The following PAK2 variants were observed in gnomAD, a reference collection of about 807,000 sequenced individuals.
The protein encoded by PAK2 is p21 (RAC1) activated kinase 2, also known as serine/threonine-protein kinase PAK 2.
In PAK2, 21 loss-of-function variants were observed where a neutral mutation model predicts 65.9. The ratio of observed to expected loss-of-function variants is 0.32; its 90% CI spans 0.23 to 0.46. The LOEUF (loss-of-function observed/expected upper bound fraction) is 0.46, where lower values mean the gene tolerates loss of function less well. Among genes scored for constraint, PAK2 ranks in the 20% least tolerant of loss-of-function variants. The pLI, the probability that PAK2 is intolerant of heterozygous loss-of-function variation, is 1.00. For missense variants in PAK2, 324 were observed against 642.6 expected (o/e 0.50, Z 5.36); for synonymous variants, 204 against 219.7 (o/e 0.93, Z 0.63).
intron 1 of PAK2, among the ~76,000 whole-genome samples, chr3:196,749,586 G>A (rs1023931098): frequency 6.6e-6 from 1 of 152,146 alleles, no homozygotes; most frequent in Non-Finnish European, 1.5e-5. Context: ...TTTTCGGGTG[G>A]ACATAAGTTT....
chr3:196,814,693 AAATTACTCC>A (rs1449722362), intron 11 of PAK2, 125 bp downstream of exon 11: 2 of 641,072 alleles, frequency 3.1e-6, no homozygotes, highest in East Asian at 6.2e-5. Context: ...CATTCTCTGC[AAATTACTCC>A]ATCTCCGTGC....
rs1714480524 is a variant in PAK2, at chr3:196,774,710, G to GT, written c.-21-7914dup. Among the ~76,000 whole-genome samples the GT allele has an allele frequency of 5.9e-5, 9 of 152,236 alleles. No individual in the cohort carries two copies. The South Asian group carries it at 1.9e-3, about 32-fold the overall frequency. ...CCAGAGTTTAGTCCTCAGTCTGTAGGTTATGGGCAGCTAGTCAGGACGATG... is the reference window on the plus strand; with the variant it reads ...CCAGAGTTTAGTCCTCAGTCTGTAGGTTTATGGGCAGCTAGTCAGGACGATG... On this transcript the variant is annotated intron_variant, in intron 1 of 14. Transcript: ENST00000327134.
chr3:196,793,076 G>A (rs1715126143), intron 2 of PAK2, among the ~76,000 whole-genome samples: 1 of 152,124 alleles, frequency 6.6e-6, no homozygotes, highest in East Asian at 1.9e-4. Context: ...CACATGCTGA[G>A]GAGAAGGGGG....
At chr3:196,785,568 G>T (rs549993657) in intron 2 of PAK2, among the ~76,000 whole-genome samples, 1 of 152,258 alleles carries the variant, frequency 6.6e-6, no homozygotes, top group South Asian at 2.1e-4. Flanking sequence ...ATCTTTTCGG[G>T]TTAATTGACC....
intron 1 of PAK2, among the ~76,000 whole-genome samples, chr3:196,764,838 TTTC>T (rs1297283984): frequency 7.3e-6 from 1 of 136,706 alleles, no homozygotes; most frequent in African/African-American, 2.7e-5. Context: ...TTTTCTTTTC[TTTC>T]TTTTTTTTTT....
chr3:196,793,976 C>T (rs1715162290), intron 2 of PAK2, among the ~76,000 whole-genome samples: 1 of 151,824 alleles, frequency 6.6e-6, no homozygotes, highest in African/African-American at 2.4e-5. Flanking sequence ...ACTAAAAATA[C>T]AAAAATTAGC....
At chr3:196,740,776 A>G (rs907043284) in intron 1 of PAK2, among the ~76,000 whole-genome samples, 1 of 152,204 alleles carries the variant, frequency 6.6e-6, no homozygotes, top group Non-Finnish European at 1.5e-5. Context: ...GCTTCAGCCT[A>G]GGGGTGAAAT....
chr3:196,778,741 C>G (rs753287618), intron 1 of PAK2, among the ~76,000 whole-genome samples: 1 of 152,200 alleles, frequency 6.6e-6, no homozygotes, highest in African/African-American at 2.4e-5. Flanking sequence ...GGTTGTGTCT[C>G]CTCTGATCTG....
chr3:196,820,108 T>C lies in PAK2; in HGVS notation c.1154-263T>C, dbSNP rs973032336. Among the ~76,000 whole-genome samples, 1 of 152,218 alleles carries C rather than the reference T, an allele frequency of 6.6e-6. No homozygotes were observed. Among genetic ancestry groups the C allele is most frequent in the African/African-American group, 2.4e-5 (1 of 41,470 alleles). The stretch of plus-strand genomic sequence containing the variant: ...CTTTTTCGTAGACCTCTTTCAGTTT[T>C]ATTAAATTTTTTAGGATAGAATGAA... On this transcript the variant is annotated intron_variant, in intron 12 of 14. Transcript: ENST00000327134. The surrounding 1 kb of genome is among the most constrained non-coding windows in gnomAD (Gnocchi z 4.6).
chr3:196,808,898 G>A (rs930379945), intron 7 of PAK2, among the ~76,000 whole-genome samples: 1 of 151,574 alleles, frequency 6.6e-6, no homozygotes, highest in African/African-American at 2.4e-5. Context: ...ATTAAAGAAT[G>A]CTAATCTAGA....
chr3:196,814,398 A>T (rs945181265), intron 10 of PAK2, 53 bp from the exon 11 acceptor site: 24 of 710,320 alleles, frequency 3.4e-5, no homozygotes, highest in Non-Finnish European at 1.0e-5. Context: ...ATAGAATACC[A>T]TGTGTTTAGG....
chr3:196,766,850 A>G (rs1050386749), intron 1 of PAK2, among the ~76,000 whole-genome samples: 27 of 148,166 alleles, frequency 1.8e-4, no homozygotes, highest in Admixed American at 1.1e-3. Flanking sequence ...AATATATGCA[A>G]TTTTGTCAAT....
chr3:196,808,029 T>A, intron 7 of PAK2, 115 bp downstream of exon 7: 2 of 984,536 alleles, frequency 2.0e-6, no homozygotes, highest in East Asian at 5.3e-5. Context: ...AAGAATAAAT[T>A]GTTTCCTTAT....
At chr3:196,763,425 G>A (rs1424833342) in intron 1 of PAK2, among the ~76,000 whole-genome samples, 3 of 152,158 alleles carry the variant, frequency 2.0e-5, no homozygotes, top group South Asian at 2.1e-4. Flanking sequence ...TCTCTCCAGC[G>A]CCCTATATCG....
chr3:196,760,771 C>T (rs934243330), intron 1 of PAK2, among the ~76,000 whole-genome samples: 5 of 152,140 alleles, frequency 3.3e-5, no homozygotes, highest in East Asian at 1.9e-4. Flanking sequence ...TTGTTTATAA[C>T]GGCCTTAAAC....
At chr3:196,742,275 A>G (rs1210624883) in intron 1 of PAK2, among the ~76,000 whole-genome samples, 4 of 151,756 alleles carry the variant, frequency 2.6e-5, no homozygotes, top group African/African-American at 7.3e-5. Flanking sequence ...TTTAGTAGAG[A>G]TGGGGTTTCA....
chr3:196,747,420 A>G (rs189579268), intron 1 of PAK2: 6 of 152,262 alleles, frequency 3.9e-5, no homozygotes, highest in East Asian at 1.9e-4. Context: ...TACATGGACA[A>G]TGTTCTTCTG....
Position 196,791,983 on chromosome 3 carries a change from T to C in PAK2, c.187+9150T>C, listed in dbSNP as rs957195766. 6.6e-6 allele frequency among the ~76,000 whole-genome samples: 1 copy of C among 151,258 alleles called. No homozygotes were observed. The highest frequency in any genetic ancestry group is 1.5e-5 in the Non-Finnish European group (1 of 67,904). On this transcript the variant is annotated intron_variant, in intron 2 of 14. Coordinates refer to ENST00000327134, the MANE Select transcript of PAK2 (RefSeq NM_002577.4). The surrounding 1 kb of genome is among the most constrained non-coding windows in gnomAD (Gnocchi z 4.0). ...AGTTTCTTACAACTTCAGACACTAGTGATAGACTGATTCTCAGGGAGCCGA... is the reference window on the plus strand; with the variant it reads ...AGTTTCTTACAACTTCAGACACTAGCGATAGACTGATTCTCAGGGAGCCGA...
At chr3:196,774,036 A>G (rs1714459003) in intron 1 of PAK2, among the ~76,000 whole-genome samples, 1 of 152,172 alleles carries the variant, frequency 6.6e-6, no homozygotes, top group African/African-American at 2.4e-5. Context: ...CGTCTCAAAA[A>G]AAAACAACAA....
Sources: allele counts gnomAD v4.1 joint callset (sites outside exome capture counted in the v4.1 genomes callset), GRCh38; gene constraint gnomAD v4.1.1; non-coding constraint Gnocchi (gnomAD v3.1); transcripts MANE v1.5; gene names NCBI Gene and HGNC (gene_info 2026-07-23, HGNC 2026-07-21).